Variants in LIPC observed in about 807,000 individuals in gnomAD.
LIPC encodes the protein lipase C, hepatic type.
A neutral mutation model predicts 50.7 loss-of-function variants in LIPC; 44 were observed. That is an observed-to-expected ratio of 0.87 (90% CI 0.68 to 1.11). The LOEUF (loss-of-function observed/expected upper bound fraction) is 1.11, where lower values mean the gene tolerates loss of function less well. Ranked by LOEUF, LIPC falls within the 50% of genes most tolerant of loss-of-function variation. The pLI is 0.00. For synonymous variants in LIPC, 271 were observed against 256.4 expected, an observed-to-expected ratio of 1.06 and a Z score of -0.54; for missense variants, 697 against 648.2, an observed-to-expected ratio of 1.08 and a Z score of -0.82.
chr15:58,480,693 T>C (rs984550288), intron 1 of LIPC, among the ~76,000 whole-genome samples: 9 of 152,336 alleles, frequency 5.9e-5, no homozygotes, highest in African/African-American at 1.4e-4. Flanking sequence ...TCATAAACTT[T>C]CTTGAAACGT....
intron 1 of LIPC, among the ~76,000 whole-genome samples, chr15:58,515,731 G>A (rs1892465425): frequency 2.0e-5 from 3 of 152,138 alleles, no homozygotes; most frequent in African/African-American, 7.2e-5. Flanking sequence ...AAAGTAAATG[G>A]AGGTATTTTT....
At chr15:58,485,584 G>T (rs1333712463) in intron 1 of LIPC, among the ~76,000 whole-genome samples, 1 of 152,182 alleles carries the variant, frequency 6.6e-6, no homozygotes, top group Non-Finnish European at 1.5e-5. Flanking sequence ...GATTCAGCTT[G>T]AAAGTCTCTC....
chr15:58,502,152 G>C (rs1331242621), intron 1 of LIPC, among the ~76,000 whole-genome samples: 1 of 152,172 alleles, frequency 6.6e-6, no homozygotes, highest in Non-Finnish European at 1.5e-5. Context: ...GAGTGGGGCA[G>C]GAAGAAGCAG....
intron 1 of LIPC, among the ~76,000 whole-genome samples, chr15:58,446,508 T>G (rs1382873415): frequency 6.6e-6 from 1 of 152,208 alleles, no homozygotes; most frequent in Non-Finnish European, 1.5e-5. Context: ...CCACTCAAGA[T>G]CCTCCTGTTG....
chr15:58,555,410 G>C (rs1331837780), intron 6 of LIPC, among the ~76,000 whole-genome samples: 7 of 152,194 alleles, frequency 4.6e-5, no homozygotes, highest in African/African-American at 1.7e-4. Context: ...TTGAACCACA[G>C]CTTTTCTTCA....
intron 1 of LIPC, chr15:58,435,666 T>G (rs1893269819): frequency 6.6e-6 from 1 of 152,206 alleles, no homozygotes; most frequent in Non-Finnish European, 1.5e-5. Context: ...TCCCAGCACT[T>G]TGGGAGGCCG....
chr15:58,566,061 A>C (rs1595961591), intron 8 of LIPC: 1 of 981,256 alleles, frequency 1.0e-6, no homozygotes, highest in East Asian at 1.1e-4. Context: ...GCATCTGGGA[A>C]TCATGTTAAA....
intron 1 of LIPC, among the ~76,000 whole-genome samples, chr15:58,490,584 T>C (rs188407303): frequency 6.6e-6 from 1 of 152,318 alleles, no homozygotes; most frequent in African/African-American, 2.4e-5. Flanking sequence ...CCAGCACCAC[T>C]TATTTTTAGA....
chr15:58,551,806 A>G (rs1252905353), intron 6 of LIPC, among the ~76,000 whole-genome samples: 5 of 152,256 alleles, frequency 3.3e-5, no homozygotes, highest in Admixed American at 2.6e-4. Context: ...TGGGCAAGAT[A>G]AACATCGCCT....
rs1174464444 is a variant in LIPC, at chr15:58,538,402, T to C, written c.158T>C (p.Leu53Pro). 1 of 1,614,070 alleles carries C rather than the reference T, an allele frequency of 6.2e-7. No individual in the cohort carries two copies. The highest frequency in any genetic ancestry group is 1.3e-5 in the African/African-American group (1 of 74,938). ...CTGCATGAGATGAAGACCAGATTCC[T>C]GCTCTTTGGAGAAACCAATCAGGGC... Reference protein sequence around the residue: ...KTLHEMKTRFLLFGETNQGCQ... With the variant: ...KTLHEMKTRFPLFGETNQGCQ... The change falls in exon 2 of 9, where the codon CTG becomes CCG. Residue 53 changes from leucine to proline, a missense_variant. Transcript: ENST00000299022.
chr15:58,492,030 C>A (rs1481582701), intron 1 of LIPC, among the ~76,000 whole-genome samples: 1 of 152,220 alleles, frequency 6.6e-6, no homozygotes, highest in East Asian at 1.9e-4. Flanking sequence ...AGCAACAGAG[C>A]ACCCATTGTA....
At chr15:58,499,891 C>T (rs1184728241) in intron 1 of LIPC, among the ~76,000 whole-genome samples, 1 of 152,106 alleles carries the variant, frequency 6.6e-6, no homozygotes, top group Non-Finnish European at 1.5e-5. Flanking sequence ...AGTAGCCCCT[C>T]ACAATGCCAG....
intron 8 of LIPC, chr15:58,566,090 T>C: frequency 1.0e-6 from 1 of 976,930 alleles, no homozygotes; most frequent in Non-Finnish European, 1.2e-6. Context: ...TCTGCTTTAG[T>C]GAGTCTGGGG....
intron 1 of LIPC, among the ~76,000 whole-genome samples, chr15:58,490,344 G>A (rs544640239): frequency 1.3e-5 from 2 of 152,270 alleles, no homozygotes; most frequent in Middle Eastern, 3.4e-3. Context: ...AAGAAAGAAC[G>A]TTGATGCTAT....
chr15:58,538,294 G>A (rs1412048948), intron 1 of LIPC, 39 bp from the exon 2 acceptor site: 3 of 1,603,914 alleles, frequency 1.9e-6, no homozygotes, highest in African/African-American at 1.3e-5. Context: ...AGATGAAGCA[G>A]ATGCCAGGCT....
chr15:58,493,956 G>A (rs898280599), intron 1 of LIPC, among the ~76,000 whole-genome samples: 16 of 152,098 alleles, frequency 1.1e-4, no homozygotes, highest in African/African-American at 3.6e-4. Context: ...TAGGAGGAGA[G>A]GTTTTAAGAA....
At chr15:58,476,883 T>C (rs16940344) in intron 1 of LIPC, among the ~76,000 whole-genome samples, 4,574 of 152,324 alleles carry the variant, frequency 0.03, 233 homozygotes, top group African/African-American at 0.1. Context: ...AAAGCTAGTT[T>C]TGCCTGTGCG....
At position 58,516,966 on chromosome 15, in the gene LIPC, C is replaced by T. The variant is rs369809264; in HGVS notation, c.89-21367C>T. On this transcript the variant is annotated intron_variant, in intron 1 of 8. Transcript: ENST00000299022. ...ATTTTAAATGTTCTTCAGCTTTGTC[C>T]TGGGGTGCAGTTAAATTACTTGGAA... Among the ~76,000 whole-genome samples, 11 of 152,264 alleles carry T rather than the reference C, an allele frequency of 7.2e-5. 1 individual carries two copies. The highest frequency in any genetic ancestry group is 2.6e-4 in the African/African-American group (11 of 41,552).
Position 58,446,045 on chromosome 15 carries a change from T to C in LIPC, c.88+13925T>C, listed in dbSNP as rs1436825492. Among the ~76,000 whole-genome samples the C allele has an allele frequency of 5.9e-5, 9 of 152,336 alleles. No individual in the cohort carries two copies. In the East Asian group the frequency reaches 1.5e-3, roughly 26 times the overall value. On this transcript the variant is annotated intron_variant, in intron 1 of 8. Transcript: ENST00000299022. ...ATAGACTCAATAACTGTTTGCATTT[T>C]CGTATATTTGCTGTATGTGCATATT...
Sources: gnomAD v4.1 joint callset for allele counts (sites outside exome capture counted in the v4.1 genomes callset) on GRCh38, gnomAD v4.1.1 for gene constraint, MANE v1.5 for transcripts, NCBI Gene and HGNC (gene_info 2026-07-23, HGNC 2026-07-21) for gene names.